DLG2: variants seen among roughly 807,000 people sequenced by gnomAD.
DLG2 encodes disks large homolog 2.
A neutral mutation model predicts 132.5 loss-of-function variants in DLG2; 45 were observed. The observed-to-expected ratio is 0.34, with a 90% confidence interval of 0.27 to 0.44. The LOEUF (loss-of-function observed/expected upper bound fraction) is 0.44, where lower values mean the gene tolerates loss of function less well. DLG2 is among the 20% of genes least tolerant of loss of function. The probability of loss-of-function intolerance (pLI) is 1.00; values close to 1 mark genes in which losing one functional copy is unlikely to be tolerated. For missense variants in DLG2, 1,045 were observed against 1,196.9 expected (o/e 0.87, Z 1.87); for synonymous variants, 424 against 419.6 (o/e 1.01, Z -0.13).
chr11:84,035,157 C>T (rs2095827779), intron 11 of DLG2, among the ~76,000 whole-genome samples: 1 of 152,084 alleles, frequency 6.6e-6, no homozygotes, highest in South Asian at 2.1e-4. Flanking sequence ...AGGTCTGCTG[C>T]CCAGTAACAC....
At chr11:84,370,849 G>A (rs1265756043) in intron 7 of DLG2, among the ~76,000 whole-genome samples, 2 of 152,256 alleles carry the variant, frequency 1.3e-5, no homozygotes, top group African/African-American at 2.4e-5. Flanking sequence ...AATACTGAAT[G>A]CTGATAGTTA....
intron 3 of DLG2, among the ~76,000 whole-genome samples, chr11:85,456,511 T>C (rs2092426997): frequency 1.3e-5 from 2 of 152,180 alleles, no homozygotes; most frequent in Non-Finnish European, 2.9e-5. Flanking sequence ...TCTGCTAGCT[T>C]TGAGATTGGT....
intron 18 of DLG2, among the ~76,000 whole-genome samples, chr11:83,704,630 A>C (rs2083561507): frequency 6.7e-6 from 1 of 150,114 alleles, no homozygotes; most frequent in African/African-American, 2.5e-5. Context: ...CAGCCTGGCC[A>C]ACGTGGTGAA....
At chr11:84,470,372 T>G (rs1200972847) in intron 7 of DLG2, among the ~76,000 whole-genome samples, 2 of 151,812 alleles carry the variant, frequency 1.3e-5, no homozygotes, top group Non-Finnish European at 2.9e-5. Flanking sequence ...AAGAACTTTT[T>G]CCTATTTCAG....
intron 14 of DLG2, among the ~76,000 whole-genome samples, chr11:83,945,661 A>C (rs944133522): frequency 4.6e-5 from 7 of 152,190 alleles, no homozygotes; most frequent in African/African-American, 1.7e-4. Flanking sequence ...TTTAGTTATA[A>C]AATCTAAATA....
chr11:83,855,811 C>G (rs1019147077), intron 16 of DLG2, among the ~76,000 whole-genome samples: 2 of 152,010 alleles, frequency 1.3e-5, no homozygotes, highest in African/African-American at 4.8e-5. Context: ...CTACACTCCA[C>G]CTGGGTGACA....
chr11:84,811,626 A>G (rs2076567512), intron 6 of DLG2, among the ~76,000 whole-genome samples: 1 of 152,120 alleles, frequency 6.6e-6, no homozygotes, highest in Admixed American at 6.6e-5. Flanking sequence ...AGAAAATAGG[A>G]GATCCTGAAT....
chr11:84,084,889 C>T (rs976379485), intron 10 of DLG2, among the ~76,000 whole-genome samples: 8 of 152,068 alleles, frequency 5.3e-5, no homozygotes, highest in African/African-American at 1.7e-4. Flanking sequence ...ATTTTCTGTC[C>T]ACTGATCTCC....
chr11:84,023,008 G>T (rs973713306), intron 11 of DLG2, among the ~76,000 whole-genome samples: 10 of 151,686 alleles, frequency 6.6e-5, no homozygotes, highest in Non-Finnish European at 1.3e-4. Context: ...GTAAGCAGTA[G>T]GATACAAAAA....
intron 3 of DLG2, among the ~76,000 whole-genome samples, chr11:85,373,339 G>A (rs1187269076): frequency 6.6e-6 from 1 of 152,064 alleles, no homozygotes; most frequent in Non-Finnish European, 1.5e-5. Flanking sequence ...TCACACAACT[G>A]GAGCCTCAGA....
intron 9 of DLG2, among the ~76,000 whole-genome samples, chr11:84,157,030 C>A (rs532716852): frequency 9.2e-5 from 14 of 152,108 alleles, no homozygotes; most frequent in Admixed American, 2.0e-4. Flanking sequence ...CTAAATTCCT[C>A]ATTTTTTCTA....
chr11:84,733,049 A>G (rs2063355977), intron 6 of DLG2, among the ~76,000 whole-genome samples: 1 of 152,170 alleles, frequency 6.6e-6, no homozygotes, highest in Non-Finnish European at 1.5e-5. Context: ...ATTGTTGGAC[A>G]TTTGGGTTGG....
intron 3 of DLG2, among the ~76,000 whole-genome samples, chr11:85,593,564 A>G (rs2079519287): frequency 6.6e-6 from 1 of 152,200 alleles, no homozygotes; most frequent in Non-Finnish European, 1.5e-5. Flanking sequence ...GGGTTAACAA[A>G]AAAAGATATA....
At chr11:84,032,768 G>A (rs749925305) in intron 11 of DLG2, among the ~76,000 whole-genome samples, 3 of 152,148 alleles carry the variant, frequency 2.0e-5, no homozygotes, top group African/African-American at 7.2e-5. Flanking sequence ...CAAAGAACAC[G>A]CTGATTCTCC....
At chr11:83,817,841 A>G (rs2049492610) in intron 17 of DLG2, among the ~76,000 whole-genome samples, 1 of 152,220 alleles carries the variant, frequency 6.6e-6, no homozygotes, top group Non-Finnish European at 1.5e-5. Context: ...GTGCTACTGC[A>G]CAATCTAGCA....
chr11:85,062,588 C>T (rs1046973516), intron 6 of DLG2, among the ~76,000 whole-genome samples: 1 of 149,904 alleles, frequency 6.7e-6, no homozygotes, highest in African/African-American at 2.4e-5. Flanking sequence ...ATAGGTCATA[C>T]AGCTTGTTAG....
At chr11:85,377,890 C>G (rs943661475) in intron 3 of DLG2, among the ~76,000 whole-genome samples, 1 of 150,096 alleles carries the variant, frequency 6.7e-6, no homozygotes, top group Admixed American at 6.6e-5. Flanking sequence ...CACACAAACA[C>G]ACACACACAT....
chr11:83,467,022 C>T (rs1170700639), intron 25 of DLG2, among the ~76,000 whole-genome samples: 1 of 152,176 alleles, frequency 6.6e-6, no homozygotes, highest in Non-Finnish European at 1.5e-5. Context: ...TAACTAGCCC[C>T]TTACAAAGTG....
intron 8 of DLG2, among the ~76,000 whole-genome samples, chr11:84,187,014 T>G (rs1169821332): frequency 6.6e-6 from 1 of 151,694 alleles, no homozygotes; most frequent in Non-Finnish European, 1.5e-5. Flanking sequence ...ATGGTAAGTG[T>G]TAAGGGCGTT....
Sources: allele counts gnomAD v4.1 joint callset (sites outside exome capture counted in the v4.1 genomes callset), GRCh38; gene constraint gnomAD v4.1.1; transcripts MANE v1.5; gene names NCBI Gene and HGNC (gene_info 2026-07-23, HGNC 2026-07-21).